The following SHLD2 variants were observed in gnomAD, a reference collection of about 807,000 sequenced individuals.
SHLD2 encodes RINN1-REV7-interacting novel NHEJ regulator 2.
In SHLD2, 30 loss-of-function variants were observed where a neutral mutation model predicts 73.2. The ratio of observed to expected loss-of-function variants is 0.41; its 90% CI spans 0.31 to 0.56. The LOEUF is 0.56. Ranked by LOEUF, SHLD2 falls within the 20% of genes least tolerant of loss-of-function variation. The probability of loss-of-function intolerance (pLI) is 0.28; values close to 1 mark genes in which losing one functional copy is unlikely to be tolerated. For synonymous variants in SHLD2, 285 were observed against 370.1 expected, an observed-to-expected ratio of 0.77 and a Z score of 2.64; for missense variants, 745 against 1,055.9, an observed-to-expected ratio of 0.71 and a Z score of 4.08.
chr10:87,127,760 A>G (rs1482562691), intron 2 of SHLD2, among the ~76,000 whole-genome samples: 2 of 151,370 alleles, frequency 1.3e-5, no homozygotes, highest in Non-Finnish European at 2.9e-5. Flanking sequence ...TTTTATGTGC[A>G]TTATCTCACT....
At chr10:87,099,978 T>C (rs996311436) in intron 2 of SHLD2, among the ~76,000 whole-genome samples, 8 of 152,224 alleles carry the variant, frequency 5.3e-5, no homozygotes, top group Non-Finnish European at 1.0e-4. Context: ...ATTATTGATT[T>C]GTAAGAGTTT....
intron 2 of SHLD2, among the ~76,000 whole-genome samples, chr10:87,127,336 A>G (rs1024212220): frequency 6.6e-6 from 1 of 152,148 alleles, no homozygotes; most frequent in Non-Finnish European, 1.5e-5. Context: ...TTTAATTGCT[A>G]ACTTGCCTAG....
At chr10:87,127,982 T>C (rs569378547) in intron 2 of SHLD2, among the ~76,000 whole-genome samples, 131 of 152,316 alleles carry the variant, frequency 8.6e-4, no homozygotes, top group Non-Finnish European at 1.5e-3. Context: ...AGATTTAGTT[T>C]CCAGGGGTCA....
chr10:87,181,082 A>C (rs536747615), intron 8 of SHLD2, among the ~76,000 whole-genome samples: 1 of 152,048 alleles, frequency 6.6e-6, no homozygotes, highest in Non-Finnish European at 1.5e-5. Context: ...AAGAAGATTG[A>C]ATTAAGATGT....
At chr10:87,150,979 C>T (rs1589573505) in intron 2 of SHLD2, among the ~76,000 whole-genome samples, 1 of 151,986 alleles carries the variant, frequency 6.6e-6, no homozygotes, top group East Asian at 2.0e-4. Context: ...GCGTGTGCTA[C>T]CACGCCCAGC....
chr10:87,103,258 T>A (rs1842385975), intron 2 of SHLD2, among the ~76,000 whole-genome samples: 1 of 152,114 alleles, frequency 6.6e-6, no homozygotes, highest in South Asian at 2.1e-4. Flanking sequence ...CTTGAAATTT[T>A]TATTAGGTCC....
intron 2 of SHLD2, among the ~76,000 whole-genome samples, chr10:87,111,045 T>C (rs566404619): frequency 1.2e-3 from 189 of 152,206 alleles, no homozygotes; most frequent in Middle Eastern, 0.01. Flanking sequence ...GGTTTCACCA[T>C]ATTGGCCAGG....
chr10:87,143,862 CTT>C (rs61651864), intron 2 of SHLD2, among the ~76,000 whole-genome samples: 1,415 of 104,654 alleles, frequency 0.014, 16 homozygotes, highest in African/African-American at 0.045. Flanking sequence ...TTTATTCTTT[CTT>C]TTTTTTTTTT....
Position 87,151,583 on chromosome 10 carries a change from T to G in SHLD2, c.229T>G (p.Phe77Val). The G allele has an allele frequency of 1.2e-6, 2 of 1,611,662 alleles. No homozygotes were observed. The highest frequency in any genetic ancestry group is 1.7e-6 in the Non-Finnish European group (2 of 1,179,640). ...SIGSPDLSGHFLANCMNRHVH... is the reference protein window; with the variant it reads ...SIGSPDLSGHVLANCMNRHVH... ...TGGTTCTCCAGATCTTAGTGGTCAT[T>G]TCTTAGCAAACTGTATGAATAGACA... Residue 77 changes from phenylalanine (F) to valine (V), a missense_variant, in exon 3 of 10, where the codon TTC becomes GTC. Transcript: ENST00000298786.
chr10:87,181,291 A>G (rs2334036), intron 8 of SHLD2, among the ~76,000 whole-genome samples: 83,291 of 148,432 alleles, frequency 0.56, 24,116 homozygotes, highest in Middle Eastern at 0.67. Flanking sequence ...AGGCTGAGGC[A>G]GGAGGATTGT....
rs1345276356 is a variant in SHLD2 at position 87,180,277 on chromosome 10, A to G, written c.2373A>G (p.Pro791=). Residue 791 remains proline (P), a synonymous_variant, in exon 8 of 10, where the codon CCA becomes CCG. Coordinates refer to ENST00000298786, the MANE Select transcript of SHLD2 (RefSeq NM_001330112.2). ...ACAAACAATGTTTTAGCTGCTTGCC[A>G]TTTACTATGAAGAAAATATATTATA... ...RIYKQCFSCL[P]FTMKKIYYRP... is the part of the protein sequence containing the mutation. The G allele has an allele frequency of 3.7e-6, 6 of 1,610,520 alleles. No individual in the cohort carries two copies. In the African/African-American group the frequency reaches 6.7e-5, roughly 18 times the overall value.
intron 8 of SHLD2, among the ~76,000 whole-genome samples, chr10:87,186,147 G>GGA (rs1289292383): frequency 1.1e-4 from 17 of 152,132 alleles, no homozygotes; most frequent in Non-Finnish European, 2.9e-5. Flanking sequence ...AATAATGGAG[G>GGA]GAGAGAGAGG....
At chr10:87,094,786 G>A (rs544795948), upstream of SHLD2, 1 of 1,526,892 alleles carries the variant, frequency 6.5e-7, no homozygotes. The surrounding 1 kb of genome is among the most constrained non-coding windows in gnomAD (Gnocchi z 6.6). Flanking sequence ...AAGCGGAGGG[G>A]AGGTGCGTGA....
chr10:87,156,287 G>A (rs1395482967), intron 3 of SHLD2, among the ~76,000 whole-genome samples: 5 of 151,944 alleles, frequency 3.3e-5, no homozygotes, highest in Non-Finnish European at 7.4e-5. Flanking sequence ...GGCTGGTCTC[G>A]AACTCCTGAC....
At position 87,187,083 on chromosome 10, in the gene SHLD2, A is replaced by G. The variant is rs763540758; in HGVS notation, c.2400-2A>G. The G allele has an allele frequency of 6.3e-7, 1 of 1,589,546 alleles. No homozygotes were observed. The highest frequency in any genetic ancestry group is 8.6e-7 in the Non-Finnish European group (1 of 1,158,132). On this transcript the variant is annotated splice_acceptor_variant, in intron 8 of 9. Coordinates refer to ENST00000298786, the MANE Select transcript of SHLD2 (RefSeq NM_001330112.2). LOFTEE classifies it high-confidence loss of function. The stretch of plus-strand genomic sequence containing the variant: ...GGTCGTGTGTTGTTTACTCTTTTGT[A>G]GGCCAGCGTTAATGACTGCCATTGA...
At chr10:87,112,613 C>A (rs974070633) in intron 2 of SHLD2, among the ~76,000 whole-genome samples, 1 of 151,112 alleles carries the variant, frequency 6.6e-6, no homozygotes. Flanking sequence ...CCAGCCTGGG[C>A]GGCAGAGCAA....
At chr10:87,127,557 C>T (rs1466319229) in intron 2 of SHLD2, among the ~76,000 whole-genome samples, 1 of 135,610 alleles carries the variant, frequency 7.4e-6, no homozygotes, top group Non-Finnish European at 1.6e-5. Flanking sequence ...TGCCACCCCC[C>T]GCCTCCCACT....
chr10:87,124,733 A>C (rs1843863750), intron 2 of SHLD2, among the ~76,000 whole-genome samples: 1 of 147,616 alleles, frequency 6.8e-6, no homozygotes, highest in Non-Finnish European at 1.5e-5. Flanking sequence ...AAGTCATTAT[A>C]GTTAAAAAAA....
chr10:87,155,834 AGAT>A (rs902035889), intron 3 of SHLD2, among the ~76,000 whole-genome samples: 16 of 152,178 alleles, frequency 1.1e-4, no homozygotes, highest in Non-Finnish European at 1.8e-4. Context: ...TAAGACATTT[AGAT>A]GATTTCTATG....
Sources: allele counts gnomAD v4.1 joint callset (sites outside exome capture counted in the v4.1 genomes callset), GRCh38; gene constraint gnomAD v4.1.1; non-coding constraint Gnocchi (gnomAD v3.1); transcripts MANE v1.5; gene names NCBI Gene and HGNC (gene_info 2026-07-23, HGNC 2026-07-21).